The following ERG28 variants were observed in gnomAD, a reference collection of about 807,000 sequenced individuals.
The protein encoded by ERG28 is ergosterol biosynthetic protein 28 homolog.
Under a neutral mutation model 15.7 loss-of-function variants are expected in ERG28, and 9 were observed. That is an observed-to-expected ratio of 0.57 (90% confidence interval 0.35 to 1.00). The LOEUF (loss-of-function observed/expected upper bound fraction) is 1.00. Among genes scored for constraint, ERG28 ranks in the 50% least tolerant of loss-of-function variants. The pLI is 0.02. For missense variants in ERG28, 117 were observed against 173.3 expected (o/e 0.68, Z 1.82); for synonymous variants, 61 against 68.4 (o/e 0.89, Z 0.53).
In ERG28 at chr14:75,651,480, A is replaced by T; in HGVS notation, c.*75T>A. 1 of 1,394,182 alleles carries T rather than the reference A, an allele frequency of 7.2e-7. No individual in the cohort carries two copies. Among genetic ancestry groups the T allele is most frequent in the Non-Finnish European group, 1.0e-6 (1 of 998,696 alleles). 86.4% of individuals were successfully genotyped at this position (1,394,182 alleles called of 1,614,324 possible). A position where few individuals can be genotyped will look rare whatever the true frequency, so the allele number is the denominator to read the frequency against. On this transcript the variant is annotated 3_prime_UTR_variant, in exon 5 of 5. Coordinates refer to ENST00000256319, the MANE Select transcript of ERG28 (RefSeq NM_007176.4). The stretch of plus-strand genomic sequence containing the variant: ...CAGATGATGGAATAGAAAAGAAATT[A>T]AAGAGGAGAGACGACGAAGGAAGAA...
rs112516206 is a variant in ERG28, at chr14:75,655,104, A to G, written c.134-128T>C. The G allele has an allele frequency of 2.9e-4, 241 of 824,212 alleles. No individual in the cohort carries two copies. In the African/African-American group the frequency reaches 3.4e-3, roughly 12 times the overall value. The allele number at this position is 824,212 out of a possible 1,614,324, so 51.1% of individuals were successfully genotyped here. ...CCTGACCTCTCTGTGGCTGGGCAGG[A>G]TGGAGGTCCTAGTGGCAACATGGGA... On this transcript the variant is annotated intron_variant, in intron 2 of 4. Coordinates refer to ENST00000256319, the MANE Select transcript of ERG28 (RefSeq NM_007176.4).
Position 75,650,475 on chromosome 14 carries a change from G to T in ERG28, c.*1080C>A, listed in dbSNP as rs1040593540. On this transcript the variant is annotated 3_prime_UTR_variant, in exon 5 of 5. Transcript: ENST00000256319. ...ACACACTGTGTATGAGGGTCCAGCT[G>T]GGGGAGGCCCTCTGGGTAGGGTTTA... is the stretch of plus-strand genomic sequence containing the variant. 6.6e-6 allele frequency: 1 copy of T among 152,254 alleles called. No individual in the cohort carries two copies. Among genetic ancestry groups the T allele is most frequent in the African/African-American group, 2.4e-5 (1 of 41,460 alleles). 9.4% of individuals were successfully genotyped at this position (152,254 alleles called of 1,614,324 possible). A position where few individuals can be genotyped will look rare whatever the true frequency, so the allele number is the denominator to read the frequency against.
intron 3 of ERG28, among the ~76,000 whole-genome samples, chr14:75,653,116 C>T (rs895302157): frequency 1.4e-4 from 21 of 152,050 alleles, no homozygotes; most frequent in African/African-American, 4.1e-4. Flanking sequence ...AAGCCACCCG[C>T]GCCTGGCCCA....
intron 1 of ERG28, among the ~76,000 whole-genome samples, chr14:75,659,820 A>G (rs1332828219): frequency 6.6e-6 from 1 of 151,990 alleles, no homozygotes; most frequent in Non-Finnish European, 1.5e-5. Flanking sequence ...ACCCAGTGGG[A>G]CAGATATTAA....
chr14:75,651,878 A>G lies in ERG28; in HGVS notation c.236T>C (p.Ile79Thr). 1.2e-6 allele frequency: 2 copies of G among 1,609,774 alleles called. No individual in the cohort carries two copies. Among genetic ancestry groups the G allele is most frequent in the Non-Finnish European group, 1.7e-6 (2 of 1,176,010 alleles). ...IDIHNKTLYH[I>T]TLWTFLLALG... is the part of the protein sequence containing the mutation. ...GGCAAGGAGGAAGGTCCAGAGTGTGATGTGATAGAGCCTATAAGGAAGCAG... is the reference window on the plus strand; with the variant it reads ...GGCAAGGAGGAAGGTCCAGAGTGTGGTGTGATAGAGCCTATAAGGAAGCAG... The change falls in exon 4 of 5, where the codon ATC becomes ACC. Residue 79 changes from isoleucine to threonine, a missense_variant. By Grantham distance (89) the Ile-to-Thr change is moderately conservative. Coordinates refer to ENST00000256319, the MANE Select transcript of ERG28 (RefSeq NM_007176.4).
At chr14:75,657,242 G>A (rs1235299655) in intron 2 of ERG28, 128 bp downstream of exon 2, 3 of 1,188,906 alleles carry the variant, frequency 2.5e-6, no homozygotes, top group African/African-American at 3.1e-5. Flanking sequence ...GGTTTGGTGA[G>A]GGAAATGGGT....
At chr14:75,656,028 A>T (rs1380266209) in intron 2 of ERG28, among the ~76,000 whole-genome samples, 1 of 152,226 alleles carries the variant, frequency 6.6e-6, no homozygotes, top group Admixed American at 6.5e-5. Context: ...ATTAGATGGT[A>T]GTGAGAAAAA....
intron 3 of ERG28, among the ~76,000 whole-genome samples, chr14:75,654,494 T>G (rs768270033): frequency 3.9e-5 from 6 of 152,166 alleles, no homozygotes; most frequent in Non-Finnish European, 7.3e-5. Flanking sequence ...TTTTCATGGA[T>G]TGTGATTTCT....
At chr14:75,659,835 A>T (rs1890655171) in intron 1 of ERG28, among the ~76,000 whole-genome samples, 1 of 150,896 alleles carries the variant, frequency 6.6e-6, no homozygotes, top group Non-Finnish European at 1.5e-5. Context: ...TATTAAAGTC[A>T]GCAATGGCCC....
In ERG28 at chr14:75,651,113, C is replaced by T. The variant is rs369759789; in HGVS notation, c.*442G>A. ...CAGCAGCAGAGAGGAGCCCAACCTGCGTGGACAACCCCTTGAGGCAGCCCT... is the reference window on the plus strand; with the variant it reads ...CAGCAGCAGAGAGGAGCCCAACCTGTGTGGACAACCCCTTGAGGCAGCCCT... On this transcript the variant is annotated 3_prime_UTR_variant, in exon 5 of 5. Transcript: ENST00000256319. 4 of 160,204 alleles carry T rather than the reference C, an allele frequency of 2.5e-5. No homozygotes were observed. Among genetic ancestry groups the T allele is most frequent in the South Asian group, 3.4e-4 (2 of 5,952 alleles). The allele number at this position is 160,204 out of a possible 1,614,324, so 9.9% of individuals were successfully genotyped here. A position where few individuals can be genotyped will look rare whatever the true frequency, so the allele number is the denominator to read the frequency against.
At chr14:75,660,614 G>A (rs1220862542) in intron 1 of ERG28, among the ~76,000 whole-genome samples, 161 bp downstream of exon 1, 1 of 152,012 alleles carries the variant, frequency 6.6e-6, no homozygotes, top group Non-Finnish European at 1.5e-5. Flanking sequence ...CATCTTCCTA[G>A]CTCCCCCTTG....
At chr14:75,654,543 A>G (rs929567555) in intron 3 of ERG28, among the ~76,000 whole-genome samples, 1 of 152,166 alleles carries the variant, frequency 6.6e-6, no homozygotes, top group African/African-American at 2.4e-5. Flanking sequence ...TGAGAAAGGT[A>G]TGTGTGGGTG....
intron 2 of ERG28, 31 bp downstream of exon 2, chr14:75,657,339 T>C: frequency 6.2e-7 from 1 of 1,613,290 alleles, no homozygotes; most frequent in Non-Finnish European, 8.5e-7. Context: ...ATAAGTCCTA[T>C]AAAGGATGCA....
At position 75,653,363 on chromosome 14, in the gene ERG28, G is replaced by A. The variant is rs530186322; in HGVS notation, c.225-1474C>T. On this transcript the variant is annotated intron_variant, in intron 3 of 4. Transcript: ENST00000256319. ...CTGAAGCCTGTAATCCCAGCACCTT[G>A]GAGGCCAAGGTGGGTGGATCACGAG... Among the ~76,000 whole-genome samples the A allele has an allele frequency of 1.8e-3, 274 of 151,824 alleles. 1 individual carries two copies. Among genetic ancestry groups the A allele is most frequent in the South Asian group, 2.5e-3 (12 of 4,798 alleles).
rs1399258304 is a variant in ERG28 at position 75,657,534 on chromosome 14, C to T, written c.-31-1G>A. On this transcript the variant is annotated splice_acceptor_variant, in intron 1 of 4. Coordinates refer to ENST00000256319, the MANE Select transcript of ERG28 (RefSeq NM_007176.4). LOFTEE classifies it low-confidence loss of function (5UTR_SPLICE). The stretch of plus-strand genomic sequence containing the variant: ...CCTCAAACGTGGGAGGGCTTTTTGC[C>T]TTGGAAACAAAGGCAGAGGACATGA... 2.0e-5 allele frequency: 33 copies of T among 1,612,650 alleles called. No homozygotes were observed. The highest frequency in any genetic ancestry group is 2.6e-5 in the Non-Finnish European group (31 of 1,179,218).
At chr14:75,654,266 CTG>C (rs970803509) in intron 3 of ERG28, among the ~76,000 whole-genome samples, 2 of 152,224 alleles carry the variant, frequency 1.3e-5, no homozygotes, top group African/African-American at 4.8e-5. Context: ...CCTGAACAAA[CTG>C]TTTCCACCTA....
intron 2 of ERG28, among the ~76,000 whole-genome samples, chr14:75,656,149 C>T (rs899483702): frequency 6.6e-6 from 1 of 152,082 alleles, no homozygotes; most frequent in Non-Finnish European, 1.5e-5. Flanking sequence ...GAGTACTCAA[C>T]CAGCCCTAAC....
At position 75,657,402 on chromosome 14, in the gene ERG28, T is replaced by C. The variant is rs1355984552; in HGVS notation, c.101A>G (p.Tyr34Cys). 2 of 1,613,588 alleles carry C rather than the reference T, an allele frequency of 1.2e-6. No homozygotes were observed. The highest frequency in any genetic ancestry group is 8.5e-7 in the Non-Finnish European group (1 of 1,179,802). The part of the protein sequence containing the change: ...LQSFRDHTFL[Y>C]EKLYTGKPNL... ...TGGCTTGCCAGTGTAGAGCTTTTCA[T>C]AGAGAAAAGTGTGGTCTCGGAAGCT... Residue 34 changes from tyrosine (Y) to cysteine (C), a missense_variant, in exon 2 of 5, where the codon TAT becomes TGT. Tyr to Cys is a radical substitution (Grantham distance 194). Coordinates refer to ENST00000256319, the MANE Select transcript of ERG28 (RefSeq NM_007176.4).
At chr14:75,659,062 A>G (rs1216467490) in intron 1 of ERG28, among the ~76,000 whole-genome samples, 2 of 152,200 alleles carry the variant, frequency 1.3e-5, no homozygotes, top group African/African-American at 4.8e-5. Context: ...CACCTAACAT[A>G]TATTACCATT....
Sources: allele counts gnomAD v4.1 joint callset (sites outside exome capture counted in the v4.1 genomes callset), GRCh38; gene constraint gnomAD v4.1.1; transcripts MANE v1.5; gene names NCBI Gene and HGNC (gene_info 2026-07-23, HGNC 2026-07-21).